SESN3: variants seen among roughly 807,000 people sequenced by gnomAD.
SESN3 encodes the protein sestrin 3.
A neutral mutation model predicts 55.3 loss-of-function variants in SESN3; 21 were observed. That is an observed-to-expected ratio of 0.38 (90% CI 0.27 to 0.55). The LOEUF is 0.55. SESN3 is among the 20% of genes least tolerant of loss of function. The probability of loss-of-function intolerance (pLI) is 0.76; values close to 1 mark genes in which losing one functional copy is unlikely to be tolerated. For missense variants in SESN3, 408 were observed against 604.3 expected (o/e 0.68, Z 3.41); for synonymous variants, 181 against 203.1 (o/e 0.89, Z 0.93).
intron 7 of SESN3, 50 bp downstream of exon 7, chr11:95,178,660 G>T: frequency 3.5e-6 from 4 of 1,136,284 alleles, no homozygotes; most frequent in Non-Finnish European, 4.0e-6. Context: ...ACACTTAACA[G>T]TTAAAATGAC....
At chr11:95,200,304 T>C (rs1860438016) in intron 1 of SESN3, among the ~76,000 whole-genome samples, 1 of 152,086 alleles carries the variant, frequency 6.6e-6, no homozygotes. Flanking sequence ...GGCCAGTCAC[T>C]AACTGGAACA....
rs1202358954 is a variant in SESN3, at chr11:95,166,568, AG to A, written c.*6686del. 6.6e-6 allele frequency: 1 copy of A among 152,234 alleles called. No individual in the cohort carries two copies. Among genetic ancestry groups the A allele is most frequent in the African/African-American group, 2.4e-5 (1 of 41,466 alleles). 9.4% of individuals were successfully genotyped at this position (152,234 alleles called of 1,614,324 possible). A position where few individuals can be genotyped will look rare whatever the true frequency, so the allele number is the denominator to read the frequency against. On this transcript the variant is annotated 3_prime_UTR_variant, in exon 10 of 10. Coordinates refer to ENST00000536441, the MANE Select transcript of SESN3 (RefSeq NM_144665.4). ...CCTGCAAAACCAGGATTTTTTAAAAAGAGTTTTCAAGTTCAACTTCTATTTC... is the reference window on the plus strand; with the variant it reads ...CCTGCAAAACCAGGATTTTTTAAAAAAGTTTTCAAGTTCAACTTCTATTTC...
chr11:95,174,289 G>A (rs916471849), intron 9 of SESN3, among the ~76,000 whole-genome samples: 5 of 152,134 alleles, frequency 3.3e-5, no homozygotes, highest in African/African-American at 1.2e-4. Flanking sequence ...TGAACTTAAA[G>A]GTTAAAAGTC....
In SESN3 at chr11:95,214,782, A is replaced by T. The variant is rs563419143; in HGVS notation, c.78+16001T>A. On this transcript the variant is annotated intron_variant, in intron 1 of 9. Transcript: ENST00000536441. ...TATCAATCTTCCTTGAAATAAAAATAATCTAAGATGGAAAGACCTACCAGA... is the reference window on the plus strand; with the variant it reads ...TATCAATCTTCCTTGAAATAAAAATTATCTAAGATGGAAAGACCTACCAGA... Among the ~76,000 whole-genome samples, 5 of 152,188 alleles carry T rather than the reference A, an allele frequency of 3.3e-5. No individual in the cohort carries two copies. The South Asian group carries it at 1.0e-3, about 31-fold the overall frequency.
chr11:95,190,937 G>C (rs1860256368), intron 3 of SESN3, among the ~76,000 whole-genome samples: 2 of 151,976 alleles, frequency 1.3e-5, no homozygotes, highest in South Asian at 4.1e-4. Flanking sequence ...ACTATACTTA[G>C]AAGTGTTATA....
intron 2 of SESN3, among the ~76,000 whole-genome samples, chr11:95,192,078 T>G (rs1860279937): frequency 6.6e-6 from 1 of 152,074 alleles, no homozygotes; most frequent in African/African-American, 2.4e-5. Context: ...AAAAAAACTT[T>G]CTGAAGTCTT....
At chr11:95,226,445 G>A (rs1364799614) in intron 1 of SESN3, among the ~76,000 whole-genome samples, 1 of 152,172 alleles carries the variant, frequency 6.6e-6, no homozygotes, top group African/African-American at 2.4e-5. Context: ...GTTGGGGGAA[G>A]CAGCAGAACA....
intron 1 of SESN3, among the ~76,000 whole-genome samples, chr11:95,227,028 T>C (rs1314949283): frequency 6.6e-6 from 1 of 152,128 alleles, no homozygotes; most frequent in Non-Finnish European, 1.5e-5. Flanking sequence ...ATCAAAAATA[T>C]GTAACACAAG....
At chr11:95,212,429 A>G (rs1301035603) in intron 1 of SESN3, among the ~76,000 whole-genome samples, 1 of 152,122 alleles carries the variant, frequency 6.6e-6, no homozygotes, top group Non-Finnish European at 1.5e-5. Context: ...TATTAATTAA[A>G]TAATTCTAAA....
At chr11:95,220,616 C>A (rs1416337048) in intron 1 of SESN3, among the ~76,000 whole-genome samples, 1 of 152,108 alleles carries the variant, frequency 6.6e-6, no homozygotes, top group Non-Finnish European at 1.5e-5. Flanking sequence ...AGATACAATA[C>A]AAATGAATTT....
chr11:95,224,496 A>C (rs758311636), intron 1 of SESN3: 3 of 436,958 alleles, frequency 6.9e-6, no homozygotes, highest in South Asian at 5.0e-5. Context: ...TGAAAAGGAA[A>C]GAAAGACCCC....
In SESN3 at chr11:95,168,180, A is replaced by T. The variant is rs1859785515; in HGVS notation, c.*5075T>A. 1 of 152,194 alleles carries T rather than the reference A, an allele frequency of 6.6e-6. No individual in the cohort carries two copies. The highest frequency in any genetic ancestry group is 1.5e-5 in the Non-Finnish European group (1 of 68,030). 9.4% of individuals were successfully genotyped at this position (152,194 alleles called of 1,614,324 possible). A position where few individuals can be genotyped will look rare whatever the true frequency, so the allele number is the denominator to read the frequency against. On this transcript the variant is annotated 3_prime_UTR_variant, in exon 10 of 10. Transcript: ENST00000536441. ...AAGGCCCAAACACCACCAATAAAAC[A>T]AATGTCTGGAACACCACCCTATTTG...
intron 8 of SESN3, 150 bp from the exon 9 acceptor site, chr11:95,175,792 T>C (rs986814336): frequency 6.1e-6 from 4 of 652,914 alleles, no homozygotes; most frequent in Non-Finnish European, 7.8e-6. Flanking sequence ...ACCCATTATG[T>C]GCCATGAGTA....
In SESN3 at chr11:95,173,012, A is replaced by G. The variant is rs994262751; in HGVS notation, c.*243T>C. On this transcript the variant is annotated 3_prime_UTR_variant, in exon 10 of 10. Coordinates refer to ENST00000536441, the MANE Select transcript of SESN3 (RefSeq NM_144665.4). ...ATGATCAGTATCCAAAACTCCAACT[A>G]CAAACAATGCAAAGTAGTGCTCCTC... is the stretch of plus-strand genomic sequence containing the variant. 13 of 396,912 alleles carry G rather than the reference A, an allele frequency of 3.3e-5. No homozygotes were observed. The highest frequency in any genetic ancestry group is 1.9e-4 in the Admixed American group (5 of 26,466). 24.6% of individuals were successfully genotyped at this position (396,912 alleles called of 1,614,324 possible).
At chr11:95,188,086 CTG>C (rs1396829693) in intron 4 of SESN3, among the ~76,000 whole-genome samples, 1 of 151,300 alleles carries the variant, frequency 6.6e-6, no homozygotes, top group Admixed American at 6.6e-5. Context: ...TCTGTACAAT[CTG>C]TAATTTATCT....
In SESN3 at chr11:95,193,506, ACT is replaced by A; in HGVS notation, c.93_94del (p.Arg31SerfsTer26). On this transcript the variant is annotated frameshift_variant, in exon 2 of 10. Coordinates refer to ENST00000536441, the MANE Select transcript of SESN3 (RefSeq NM_144665.4). LOFTEE classifies it high-confidence loss of function. ...TGGTCCTCTTGTCAAGGGTTGAGAC[ACT>A]CTGATTCTTTTATCCTATTTTTAAA... 6.3e-7 allele frequency: 1 copy of A among 1,590,966 alleles called. No individual in the cohort carries two copies. The highest frequency in any genetic ancestry group is 1.1e-5 in the South Asian group (1 of 89,860).
At chr11:95,179,620 G>T (rs1860024629) in intron 6 of SESN3, among the ~76,000 whole-genome samples, 1 of 152,026 alleles carries the variant, frequency 6.6e-6, no homozygotes, top group Non-Finnish European at 1.5e-5. Flanking sequence ...AAGCATATAG[G>T]GAGAAAGATC....
chr11:95,224,158 A>C (rs891051444), intron 1 of SESN3, among the ~76,000 whole-genome samples: 7 of 152,166 alleles, frequency 4.6e-5, no homozygotes, highest in African/African-American at 1.7e-4. Flanking sequence ...ACATAGCTAC[A>C]TAGTTGGAAA....
intron 1 of SESN3, among the ~76,000 whole-genome samples, chr11:95,219,227 G>A (rs11021083): frequency 0.36 from 54,664 of 151,858 alleles, 10,146 homozygotes; most frequent in East Asian, 0.58. Context: ...TTCAAGTAAC[G>A]TACAAAACAG....
Sources: allele counts gnomAD v4.1 joint callset (sites outside exome capture counted in the v4.1 genomes callset), GRCh38; gene constraint gnomAD v4.1.1; transcripts MANE v1.5; gene names NCBI Gene and HGNC (gene_info 2026-07-23, HGNC 2026-07-21).